VPS13A: variants seen among roughly 807,000 people sequenced by gnomAD.
VPS13A encodes intermembrane lipid transfer protein VPS13A.
A neutral mutation model predicts 390.9 loss-of-function variants in VPS13A; 264 were observed. The observed-to-expected ratio is 0.68, with a 90% CI of 0.61 to 0.75. The LOEUF (loss-of-function observed/expected upper bound fraction) is 0.75, where lower values mean the gene tolerates loss of function less well. VPS13A is among the 30% of genes least tolerant of loss of function. The pLI, the probability that VPS13A is intolerant of heterozygous loss-of-function variation, is 0.00. For missense variants in VPS13A, 3,409 were observed against 3,733.9 expected (o/e 0.91, Z 2.27); for synonymous variants, 1,231 against 1,227.1 (o/e 1.00, Z -0.07).
rs1192258037 is a variant in VPS13A at position 77,209,478 on chromosome 9, C to G, written c.441C>G (p.Ile147Met). The change falls in exon 6 of 72, where the codon ATC becomes ATG. Residue 147 changes from isoleucine to methionine, a missense_variant. Physicochemically the swap from Ile to Met is conservative, Grantham distance 10. This residue lies in a region of VPS13A where 2,717 missense variants were observed against 2,917.4 expected (regional missense o/e 0.93). Coordinates refer to ENST00000360280, the MANE Select transcript of VPS13A (RefSeq NM_033305.3). ...TTGCAGAAAAATTAGTTACACAGATCATAAAAAATCTTCAGGTGAAAATTT... is the reference window on the plus strand; with the variant it reads ...TTGCAGAAAAATTAGTTACACAGATGATAAAAAATCTTCAGGTGAAAATTT... ...DTFAEKLVTQIIKNLQVKISS... is the reference protein window; with the variant it reads ...DTFAEKLVTQMIKNLQVKISS... 1 of 1,612,240 alleles carries G rather than the reference C, an allele frequency of 6.2e-7. No individual in the cohort carries two copies.
At chr9:77,182,750 A>G (rs1454734779) in intron 1 of VPS13A, among the ~76,000 whole-genome samples, 2 of 152,166 alleles carry the variant, frequency 1.3e-5, no homozygotes, top group Admixed American at 1.3e-4. Flanking sequence ...ACAAATTTGT[A>G]ATTTTTTTTT....
At chr9:77,289,609 G>A (rs191070201) in intron 31 of VPS13A, among the ~76,000 whole-genome samples, 82 of 151,986 alleles carry the variant, frequency 5.4e-4, no homozygotes, top group African/African-American at 1.6e-3. Flanking sequence ...CTTTACTTTG[G>A]TGCATGTTGA....
In VPS13A at chr9:77,247,413, T is replaced by G. The variant is rs1824878114; in HGVS notation, c.2037+18T>G. 2.5e-6 allele frequency: 4 copies of G among 1,591,516 alleles called. No homozygotes were observed. The East Asian group carries it at 9.0e-5, about 36-fold the overall frequency. On this transcript the variant is annotated intron_variant, in intron 20 of 71. Coordinates refer to ENST00000360280, the MANE Select transcript of VPS13A (RefSeq NM_033305.3). Reference sequence around the variant, plus strand: ...ATCTAAAGGTATATACTAATAATATTTGATTTATGATACAGCATTTGGGGT... The same window carrying G: ...ATCTAAAGGTATATACTAATAATATGTGATTTATGATACAGCATTTGGGGT...
At chr9:77,280,048 G>A (rs1172022918) in intron 26 of VPS13A, 111 bp from the exon 27 acceptor site, 5 of 766,122 alleles carry the variant, frequency 6.5e-6, no homozygotes, top group South Asian at 4.8e-5. Flanking sequence ...CCAAGGTCCA[G>A]AACTCATATA....
At chr9:77,332,352 C>T (rs1266277383) in intron 46 of VPS13A, among the ~76,000 whole-genome samples, 5 of 151,838 alleles carry the variant, frequency 3.3e-5, no homozygotes, top group African/African-American at 9.7e-5. Flanking sequence ...GCAATATAAC[C>T]GTCATAAGCA....
At chr9:77,202,019 A>G (rs555361221) in intron 3 of VPS13A, among the ~76,000 whole-genome samples, 1 of 152,262 alleles carries the variant, frequency 6.6e-6, no homozygotes, top group South Asian at 2.1e-4. Context: ...GCAAGATAAT[A>G]GTGTCTTTAG....
intron 5 of VPS13A, among the ~76,000 whole-genome samples, chr9:77,207,919 C>A (rs1227508344): frequency 6.6e-6 from 1 of 152,028 alleles, no homozygotes; most frequent in Non-Finnish European, 1.5e-5. Flanking sequence ...CATTACCCTG[C>A]AAGATATAGG....
At chr9:77,254,798 G>A (rs1013220453) in intron 22 of VPS13A, among the ~76,000 whole-genome samples, 10 of 152,192 alleles carry the variant, frequency 6.6e-5, no homozygotes, top group African/African-American at 2.4e-4. Flanking sequence ...ATTTTGGGGG[G>A]ATTGTTTATT....
chr9:77,334,222 G>A (rs1398462818), intron 46 of VPS13A, among the ~76,000 whole-genome samples: 1 of 152,186 alleles, frequency 6.6e-6, no homozygotes, highest in Non-Finnish European at 1.5e-5. Flanking sequence ...CATGTTGGAA[G>A]ATAAAATTTG....
chr9:77,269,729 T>C (rs1194251723), intron 23 of VPS13A, among the ~76,000 whole-genome samples: 3 of 152,248 alleles, frequency 2.0e-5, no homozygotes, highest in Non-Finnish European at 2.9e-5. Flanking sequence ...TTTGCTAATA[T>C]ATGTTGTTAA....
chr9:77,384,504 T>G (rs1270631397), intron 68 of VPS13A: 4 of 1,579,128 alleles, frequency 2.5e-6, no homozygotes, highest in African/African-American at 2.7e-5. Flanking sequence ...CTTTGAACAT[T>G]TCATAATCTT....
Position 77,420,333 on chromosome 9 carries a change from C to T in VPS13A, c.*4327C>T, listed in dbSNP as rs977902697. The T allele has an allele frequency of 6.6e-6, 1 of 152,210 alleles. No individual in the cohort carries two copies. The highest frequency in any genetic ancestry group is 6.5e-5 in the Admixed American group (1 of 15,282). 9.4% of individuals were successfully genotyped at this position (152,210 alleles called of 1,614,324 possible). A position where few individuals can be genotyped will look rare whatever the true frequency, so the allele number is the denominator to read the frequency against. ...CATTGAGAAGATGCAGAATCCTACTCTATTACAAACCTCACTCATGTTTCT... is the reference window on the plus strand; with the variant it reads ...CATTGAGAAGATGCAGAATCCTACTTTATTACAAACCTCACTCATGTTTCT... On this transcript the variant is annotated 3_prime_UTR_variant, in exon 72 of 72. Coordinates refer to ENST00000360280, the MANE Select transcript of VPS13A (RefSeq NM_033305.3).
At chr9:77,254,296 C>T (rs942209327) in intron 22 of VPS13A, among the ~76,000 whole-genome samples, 1 of 152,158 alleles carries the variant, frequency 6.6e-6, no homozygotes, top group African/African-American at 2.4e-5. Context: ...GTTGAAAAGA[C>T]TGTCCTTTTC....
At position 77,223,876 on chromosome 9, in the gene VPS13A, C is replaced by G. The variant is rs532898232; in HGVS notation, c.1162-2050C>G. 3.3e-5 allele frequency among the ~76,000 whole-genome samples: 5 copies of G among 152,240 alleles called. No individual in the cohort carries two copies. The South Asian group carries it at 1.0e-3, about 32-fold the overall frequency. On this transcript the variant is annotated intron_variant, in intron 13 of 71. Coordinates refer to ENST00000360280, the MANE Select transcript of VPS13A (RefSeq NM_033305.3). ...TGAGAGAGGATGCCATCTGAACTCT[C>G]CTAGCTAGAGTGAAAAAGTTAATAT...
At chr9:77,296,356 A>T (rs914488575) in intron 33 of VPS13A, among the ~76,000 whole-genome samples, 3 of 152,138 alleles carry the variant, frequency 2.0e-5, no homozygotes, top group Non-Finnish European at 4.4e-5. Context: ...GAGCTTTTAT[A>T]CTGTGTCCTC....
At chr9:77,387,166 T>C (rs1833723394) in intron 68 of VPS13A, among the ~76,000 whole-genome samples, 1 of 152,082 alleles carries the variant, frequency 6.6e-6, no homozygotes, top group Admixed American at 6.5e-5. Flanking sequence ...TGCTCTTTTG[T>C]TTTACACCAT....
chr9:77,419,316 T>C lies in VPS13A; in HGVS notation c.*3310T>C, dbSNP rs1171390534. 1 of 152,182 alleles carries C rather than the reference T, an allele frequency of 6.6e-6. No individual in the cohort carries two copies. The highest frequency in any genetic ancestry group is 2.4e-5 in the African/African-American group (1 of 41,446). 9.4% of individuals were successfully genotyped at this position (152,182 alleles called of 1,614,324 possible). On this transcript the variant is annotated 3_prime_UTR_variant, in exon 72 of 72. Coordinates refer to ENST00000360280, the MANE Select transcript of VPS13A (RefSeq NM_033305.3). ...AGGAACAATAGAGCATATAAAATGG[T>C]TAAGTATTGGTTCCTGAAATACTGT... is the stretch of plus-strand genomic sequence containing the variant.
intron 17 of VPS13A, among the ~76,000 whole-genome samples, chr9:77,233,041 A>T (rs1399135705): frequency 6.6e-6 from 1 of 152,230 alleles, no homozygotes; most frequent in Non-Finnish European, 1.5e-5. Flanking sequence ...TATAAGTAGG[A>T]TCTGTAGGTT....
At chr9:77,234,690 G>A (rs1824032920) in intron 17 of VPS13A, among the ~76,000 whole-genome samples, 1 of 151,942 alleles carries the variant, frequency 6.6e-6, no homozygotes. Context: ...AAGAAGTTCT[G>A]CCATTTTGCT....
Sources: allele counts gnomAD v4.1 joint callset (sites outside exome capture counted in the v4.1 genomes callset), GRCh38; gene constraint gnomAD v4.1.1; regional missense constraint gnomAD v4.1.1; transcripts MANE v1.5; gene names NCBI Gene and HGNC (gene_info 2026-07-23, HGNC 2026-07-21).